GARIN1B: variants seen among roughly 807,000 people sequenced by gnomAD.
GARIN1B encodes Golgi-associated RAB2 interactor protein 1B.
the GARIN1B span, among the ~76,000 whole-genome samples, chr7:128,715,941 A>AT: frequency 0.72 from 108,736 of 152,022 alleles, 39,225 homozygotes; most frequent in African/African-American, 0.78. Context: ...AGAATTTGGT[A>AT]TCTAATCCCC....
At chr7:128,720,357 C>T in the GARIN1B span, among the ~76,000 whole-genome samples, 3 of 152,000 alleles carry the variant, frequency 2.0e-5, no homozygotes, top group Admixed American at 6.6e-5. Flanking sequence ...CACCACCACA[C>T]TCAACTAATT....
the GARIN1B span, chr7:128,730,017 AC>A: frequency 6.2e-7 from 1 of 1,614,108 alleles, no homozygotes; most frequent in Non-Finnish European, 8.5e-7. Context: ...AGCCCCTCTC[AC>A]TACTCAGCAC....
the GARIN1B span, among the ~76,000 whole-genome samples, chr7:128,712,098 C>A: frequency 6.6e-6 from 1 of 152,252 alleles, no homozygotes; most frequent in Non-Finnish European, 1.5e-5. Flanking sequence ...TTCTACAAAG[C>A]TTTGCACTGC....
chr7:128,728,313 G>GTA, the GARIN1B span, among the ~76,000 whole-genome samples: 259 of 152,144 alleles, frequency 1.7e-3, 1 homozygote, highest in Non-Finnish European at 2.2e-3. Context: ...ATGATGGTGC[G>GTA]TACCTGTAGT....
the GARIN1B span, chr7:128,713,838 A>G: frequency 1.7e-6 from 1 of 605,456 alleles, no homozygotes. Flanking sequence ...AATGAGCTTT[A>G]TTGTTGTGGT....
At chr7:128,730,811 T>C in the GARIN1B span, among the ~76,000 whole-genome samples, 1 of 152,102 alleles carries the variant, frequency 6.6e-6, no homozygotes, top group Non-Finnish European at 1.5e-5. Flanking sequence ...CACGCCCAGC[T>C]AATTTTTGTA....
chr7:128,714,004 T>C, the GARIN1B span: 1 of 1,531,824 alleles, frequency 6.5e-7, no homozygotes, highest in East Asian at 2.5e-5. Context: ...ACACTTTTCC[T>C]ACCTGGTAAA....
chr7:128,712,262 G>T, the GARIN1B span, among the ~76,000 whole-genome samples: 1 of 152,154 alleles, frequency 6.6e-6, no homozygotes, highest in Non-Finnish European at 1.5e-5. Context: ...TCATACTTTT[G>T]TAGGGGTTTT....
the GARIN1B span, among the ~76,000 whole-genome samples, chr7:128,729,233 T>C: frequency 6.6e-6 from 1 of 152,082 alleles, no homozygotes; most frequent in African/African-American, 2.4e-5. Context: ...AACTTTTGGA[T>C]GAAAAAGAGA....
the GARIN1B span, chr7:128,715,419 C>T: frequency 5.6e-6 from 9 of 1,609,164 alleles, no homozygotes; most frequent in South Asian, 1.1e-5. Flanking sequence ...AAATGTGCAG[C>T]AGGCCCCTGA....
chr7:128,731,146 A>C, the GARIN1B span: 8 of 1,594,384 alleles, frequency 5.0e-6, no homozygotes, highest in African/African-American at 1.1e-4. Flanking sequence ...AATCTATGCA[A>C]GCCTCGTCAA....
At chr7:128,727,874 T>C in the GARIN1B span, among the ~76,000 whole-genome samples, 1 of 152,194 alleles carries the variant, frequency 6.6e-6, no homozygotes, top group Non-Finnish European at 1.5e-5. Flanking sequence ...CCTAGTTGTT[T>C]TATAGGTTTG....
the GARIN1B span, among the ~76,000 whole-genome samples, chr7:128,722,143 C>T: frequency 3.9e-5 from 6 of 152,082 alleles, no homozygotes; most frequent in African/African-American, 1.2e-4. Flanking sequence ...GAAAGTATTC[C>T]CTCCTCTATT....
the GARIN1B span, among the ~76,000 whole-genome samples, chr7:128,726,020 C>T: frequency 6.6e-6 from 1 of 152,190 alleles, no homozygotes; most frequent in African/African-American, 2.4e-5. Flanking sequence ...CTGAGGCTTC[C>T]ACAAAGGAAG....
the GARIN1B span, among the ~76,000 whole-genome samples, chr7:128,721,161 TG>T: frequency 6.6e-6 from 1 of 152,196 alleles, no homozygotes. Flanking sequence ...GCTTTTGTTT[TG>T]TTTTTAATAG....
chr7:128,730,596 A>G, the GARIN1B span, among the ~76,000 whole-genome samples: 1 of 152,108 alleles, frequency 6.6e-6, no homozygotes, highest in Non-Finnish European at 1.5e-5. Context: ...AGATTTCCCT[A>G]AAAGGGAGGG....
the GARIN1B span, chr7:128,730,113 G>C: frequency 6.3e-7 from 1 of 1,590,404 alleles, no homozygotes; most frequent in Non-Finnish European, 8.6e-7. Flanking sequence ...GGGCAGCCCT[G>C]GCATTCAGCC....
At chr7:128,711,161 G>A in the GARIN1B span, among the ~76,000 whole-genome samples, 2 of 152,054 alleles carry the variant, frequency 1.3e-5, no homozygotes, top group African/African-American at 4.8e-5. Flanking sequence ...CTCCTGGCAT[G>A]CTTTGGGAGA....
chr7:128,717,474 A>G, the GARIN1B span, among the ~76,000 whole-genome samples: 83 of 150,362 alleles, frequency 5.5e-4, no homozygotes, highest in East Asian at 0.012. Flanking sequence ...CTGAGTCTCA[A>G]AAAAGACTAT....
Sources: gnomAD v4.1 joint callset for allele counts (sites outside exome capture counted in the v4.1 genomes callset) on GRCh38, gnomAD v4.1.1 for gene constraint, MANE v1.5 for transcripts, NCBI Gene and HGNC (gene_info 2026-07-23, HGNC 2026-07-21) for gene names.